The following GXYLT2 variants were observed in gnomAD, a reference collection of about 807,000 sequenced individuals.
GXYLT2 encodes glycosyltransferase 8 domain containing 4.
In GXYLT2, 53 loss-of-function variants were observed where a neutral mutation model predicts 45.8. That is an observed-to-expected ratio of 1.16 (90% confidence interval 0.93 to 1.46). The LOEUF (loss-of-function observed/expected upper bound fraction) is 1.46. GXYLT2 is among the 40% of genes most tolerant of loss of function. GXYLT2 has a pLI of 0.00. For missense variants in GXYLT2, 551 were observed against 544.4 expected, an observed-to-expected ratio of 1.01 and a Z score of -0.12; for synonymous variants, 219 against 214.2, an observed-to-expected ratio of 1.02 and a Z score of -0.19.
intron 3 of GXYLT2, among the ~76,000 whole-genome samples, chr3:72,939,191 A>G (rs1248561846): frequency 6.6e-6 from 1 of 152,226 alleles, no homozygotes; most frequent in Non-Finnish European, 1.5e-5. Flanking sequence ...AAGAATGCAT[A>G]TTTATTTTAT....
chr3:72,956,216 A>G (rs1021822560), intron 4 of GXYLT2, among the ~76,000 whole-genome samples: 1 of 152,092 alleles, frequency 6.6e-6, no homozygotes, highest in Non-Finnish European at 1.5e-5. Flanking sequence ...ACTTCACCCT[A>G]AACAACAGAG....
At chr3:72,908,173 C>G (rs1289488569) in intron 1 of GXYLT2, 194 bp from the exon 2 acceptor site, 2 of 553,624 alleles carry the variant, frequency 3.6e-6, no homozygotes, top group Non-Finnish European at 6.3e-6. Flanking sequence ...CCTGCTATTG[C>G]CAGGATAAAT....
chr3:72,907,110 T>C (rs1260860306), intron 1 of GXYLT2, among the ~76,000 whole-genome samples: 1 of 152,072 alleles, frequency 6.6e-6, no homozygotes, highest in African/African-American at 2.4e-5. Flanking sequence ...GCAGGGAGAA[T>C]GGAGAGAAGT....
chr3:72,917,371 T>G (rs1171989712), intron 2 of GXYLT2, among the ~76,000 whole-genome samples: 2 of 152,124 alleles, frequency 1.3e-5, no homozygotes, highest in Non-Finnish European at 2.9e-5. Context: ...TACTGAGAGT[T>G]TATGCCTAGC....
rs570328658 is a variant in GXYLT2 at position 72,967,715 on chromosome 3, G to A, written c.1145G>A (p.Arg382Gln). Residue 382 changes from arginine (R) to glutamine (Q), a missense_variant, in exon 6 of 7, where the codon CGG (arginine) becomes CAG (glutamine). Transcript: ENST00000389617. ...PTFRALYEAI[R>Q]DFPFQDNLFQ... ...TTCAGAGCACTCTATGAAGCAATAC[G>A]GGATGTAAGTGTGCCCTTGCTGCTG... 12 of 1,613,238 alleles carry A rather than the reference G, an allele frequency of 7.4e-6. No individual in the cohort carries two copies. Among genetic ancestry groups the A allele is most frequent in the East Asian group, 2.2e-5 (1 of 44,862 alleles).
At chr3:72,946,092 C>G (rs556361880) in intron 3 of GXYLT2, among the ~76,000 whole-genome samples, 1 of 151,924 alleles carries the variant, frequency 6.6e-6, no homozygotes, top group South Asian at 2.1e-4. Context: ...ATCCGGGCAA[C>G]ATAGCGAGAC....
chr3:72,926,516 A>G (rs1045074418), intron 3 of GXYLT2, among the ~76,000 whole-genome samples: 1 of 152,254 alleles, frequency 6.6e-6, no homozygotes, highest in African/African-American at 2.4e-5. Flanking sequence ...GTTCATTAAA[A>G]TTGATTCTGG....
chr3:72,912,562 A>T (rs35175107), intron 2 of GXYLT2, among the ~76,000 whole-genome samples: 1 of 152,068 alleles, frequency 6.6e-6, no homozygotes, highest in Non-Finnish European at 1.5e-5. Context: ...ACACAAACAT[A>T]TATGTATGTA....
At chr3:72,949,515 T>C (rs1710475772) in intron 3 of GXYLT2, among the ~76,000 whole-genome samples, 2 of 126,730 alleles carry the variant, frequency 1.6e-5, no homozygotes, top group Non-Finnish European at 3.3e-5. Flanking sequence ...TTTTTTTTTT[T>C]TTTTTTTTTT....
intron 3 of GXYLT2, among the ~76,000 whole-genome samples, chr3:72,932,671 ATC>A (rs1710062926): frequency 6.6e-6 from 1 of 152,182 alleles, no homozygotes; most frequent in Non-Finnish European, 1.5e-5. Context: ...AACAATAAAC[ATC>A]TGTTTGGCTT....
At chr3:72,949,055 C>G (rs957110542) in intron 3 of GXYLT2, among the ~76,000 whole-genome samples, 4 of 152,166 alleles carry the variant, frequency 2.6e-5, no homozygotes, top group Admixed American at 1.3e-4. Context: ...GGATTGGATG[C>G]GGGCAGTATG....
At chr3:72,971,070 C>T (rs551393295) in intron 6 of GXYLT2, among the ~76,000 whole-genome samples, 9 of 152,170 alleles carry the variant, frequency 5.9e-5, no homozygotes, top group Non-Finnish European at 7.4e-5. Context: ...TTCAGGAGTA[C>T]GAGCAGAAGT....
chr3:72,904,561 T>G (rs1044305917), intron 1 of GXYLT2, among the ~76,000 whole-genome samples: 1 of 151,684 alleles, frequency 6.6e-6, no homozygotes, highest in Non-Finnish European at 1.5e-5. Context: ...TTTTGTACTG[T>G]GCAGACCCAA....
At chr3:72,921,218 T>G (rs1709828515) in intron 2 of GXYLT2, among the ~76,000 whole-genome samples, 1 of 152,148 alleles carries the variant, frequency 6.6e-6, no homozygotes, top group South Asian at 2.1e-4. Flanking sequence ...CACTTTGCTT[T>G]TTCCAAAACC....
At chr3:72,890,919 A>C (rs1289585610) in intron 1 of GXYLT2, among the ~76,000 whole-genome samples, 1 of 152,228 alleles carries the variant, frequency 6.6e-6, no homozygotes, top group African/African-American at 2.4e-5. Context: ...AGCCACAGGA[A>C]GTCTCAGGCT....
At chr3:72,911,377 A>G (rs78827710) in intron 2 of GXYLT2, among the ~76,000 whole-genome samples, 20,945 of 152,156 alleles carry the variant, frequency 0.14, 1,784 homozygotes, top group African/African-American at 0.23. Context: ...GAGGCCCCCA[A>G]TGGTCCCACC....
chr3:72,929,600 C>G, intron 3 of GXYLT2: 2 of 1,020,052 alleles, frequency 2.0e-6, no homozygotes, highest in Non-Finnish European at 1.5e-6. Context: ...AAAGCTAAGC[C>G]TCAGGCTAAT....
chr3:72,941,572 C>G (rs966023495), intron 3 of GXYLT2, among the ~76,000 whole-genome samples: 1 of 152,106 alleles, frequency 6.6e-6, no homozygotes, highest in African/African-American at 2.4e-5. Flanking sequence ...AAAATCACAC[C>G]TAGTAATCTT....
chr3:72,973,653 G>A (rs56105146), intron 6 of GXYLT2, among the ~76,000 whole-genome samples: 101,983 of 152,012 alleles, frequency 0.67, 34,512 homozygotes, highest in Admixed American at 0.75. Flanking sequence ...GGAAGAAGTC[G>A]CCATATTTGG....
Sources: allele counts gnomAD v4.1 joint callset (sites outside exome capture counted in the v4.1 genomes callset), GRCh38; gene constraint gnomAD v4.1.1; transcripts MANE v1.5; gene names NCBI Gene and HGNC (gene_info 2026-07-23, HGNC 2026-07-21).